RORA: variants seen among roughly 807,000 people sequenced by gnomAD.
RORA encodes RAR related orphan receptor A.
Under a neutral mutation model 69.5 loss-of-function variants are expected in RORA, and 7 were observed. The ratio of observed to expected loss-of-function variants is 0.10; its 90% CI spans 0.06 to 0.19. The LOEUF (loss-of-function observed/expected upper bound fraction) is 0.19, where lower values mean the gene tolerates loss of function less well. Ranked by LOEUF, RORA falls within the 10% of genes least tolerant of loss-of-function variation. The pLI is 1.00. For synonymous variants in RORA, 261 were observed against 240.8 expected, an observed-to-expected ratio of 1.08 and a Z score of -0.78; for missense variants, 457 against 663.0, an observed-to-expected ratio of 0.69 and a Z score of 3.41.
intron 1 of RORA, among the ~76,000 whole-genome samples, chr15:60,784,199 T>A (rs2072304050): frequency 6.6e-6 from 1 of 152,234 alleles, no homozygotes; most frequent in Non-Finnish European, 1.5e-5. Flanking sequence ...CAAAGTCCAC[T>A]TTTTAGGGGA....
At chr15:61,054,192 A>G (rs924052566) in intron 1 of RORA, among the ~76,000 whole-genome samples, 3 of 152,114 alleles carry the variant, frequency 2.0e-5, no homozygotes, top group Admixed American at 6.5e-5. Context: ...CAGCATCTTC[A>G]TACTTAATTG....
At chr15:61,043,382 C>G (rs1301662389) in intron 1 of RORA, among the ~76,000 whole-genome samples, 1 of 152,068 alleles carries the variant, frequency 6.6e-6, no homozygotes, top group Non-Finnish European at 1.5e-5. Flanking sequence ...CCTTTTGCCT[C>G]CTCCAGAAAA....
rs535114277 is a variant in RORA at position 60,642,738 on chromosome 15, C to T, written c.196+35919G>A. On this transcript the variant is annotated intron_variant, in intron 2 of 10. Transcript: ENST00000335670. ...TTTACAAAAAAAATTTAAAAATTAG[C>T]CAAGTGTGGTAGTGGCATGCCAGTA... is the stretch of plus-strand genomic sequence containing the variant. Among the ~76,000 whole-genome samples, 5 of 152,134 alleles carry T rather than the reference C, an allele frequency of 3.3e-5. No homozygotes were observed. In the South Asian group the frequency reaches 1.0e-3, roughly 32 times the overall value.
chr15:60,634,707 T>G (rs1230936981), intron 2 of RORA, among the ~76,000 whole-genome samples: 2 of 152,088 alleles, frequency 1.3e-5, no homozygotes, highest in African/African-American at 2.4e-5. Context: ...CTGGCCCACT[T>G]TTTTACCTTC....
intron 1 of RORA, among the ~76,000 whole-genome samples, chr15:61,088,701 T>C (rs930664843): frequency 1.3e-5 from 2 of 152,240 alleles, no homozygotes; most frequent in Non-Finnish European, 2.9e-5. Flanking sequence ...CAAAATGGGC[T>C]AGTAAACTAG....
At chr15:60,623,700 C>G (rs1023171934) in intron 2 of RORA, among the ~76,000 whole-genome samples, 1 of 152,146 alleles carries the variant, frequency 6.6e-6, no homozygotes, top group Non-Finnish European at 1.5e-5. Flanking sequence ...ACAAAGGATA[C>G]AGAGGGGGAT....
intron 1 of RORA, among the ~76,000 whole-genome samples, chr15:61,203,978 T>C (rs2079917366): frequency 1.3e-5 from 2 of 152,236 alleles, no homozygotes. Context: ...GGCTGCTTAG[T>C]GTCAAATGCA....
intron 1 of RORA, among the ~76,000 whole-genome samples, chr15:60,919,896 T>C (rs561254553): frequency 1.3e-5 from 2 of 152,278 alleles, no homozygotes; most frequent in African/African-American, 4.8e-5. Flanking sequence ...AACTAATCAA[T>C]AACAAATAAA....
chr15:60,811,392 T>C (rs2072740972), intron 1 of RORA, among the ~76,000 whole-genome samples: 1 of 152,244 alleles, frequency 6.6e-6, no homozygotes, highest in African/African-American at 2.4e-5. Context: ...AAGTCAGTTA[T>C]CTCTATTCCA....
intron 1 of RORA, among the ~76,000 whole-genome samples, chr15:61,171,223 G>A (rs1191217326): frequency 6.6e-6 from 1 of 152,108 alleles, no homozygotes; most frequent in Non-Finnish European, 1.5e-5. Context: ...CTTCTCCGGT[G>A]TCCTCCACAG....
At chr15:60,966,088 G>A (rs966332812) in intron 1 of RORA, among the ~76,000 whole-genome samples, 1 of 152,162 alleles carries the variant, frequency 6.6e-6, no homozygotes, top group Admixed American at 6.5e-5. Flanking sequence ...GGTGAGGGAA[G>A]GGTCTGTTCT....
intron 9 of RORA, 37 bp downstream of exon 9, chr15:60,500,922 T>C: frequency 2.4e-6 from 3 of 1,232,078 alleles, no homozygotes; most frequent in Non-Finnish European, 3.5e-6. Context: ...TCTTAGACAA[T>C]TCGAAAACCA....
At chr15:60,712,016 A>T (rs996591047) in intron 1 of RORA, among the ~76,000 whole-genome samples, 1 of 152,180 alleles carries the variant, frequency 6.6e-6, no homozygotes, top group African/African-American at 2.4e-5. Context: ...TAATACACAG[A>T]TTTTTTTAAA....
intron 2 of RORA, among the ~76,000 whole-genome samples, chr15:60,575,349 C>T (rs1008752574): frequency 2.0e-5 from 3 of 152,192 alleles, no homozygotes; most frequent in Admixed American, 6.5e-5. Context: ...TACGGAGTTA[C>T]AGCTTTGTAC....
At chr15:60,513,022 T>G (rs940445164) in intron 4 of RORA, among the ~76,000 whole-genome samples, 1 of 152,186 alleles carries the variant, frequency 6.6e-6, no homozygotes, top group Non-Finnish European at 1.5e-5. Context: ...ATGATCGTAG[T>G]TATAAGAGTC....
intron 1 of RORA, among the ~76,000 whole-genome samples, chr15:60,972,016 G>A (rs1011926204): frequency 4.6e-5 from 7 of 152,152 alleles, no homozygotes; most frequent in Non-Finnish European, 1.0e-4. Context: ...CATGCCTCCC[G>A]AATTCATGCT....
chr15:61,032,858 TC>T (rs757817628), intron 1 of RORA, among the ~76,000 whole-genome samples: 5 of 152,228 alleles, frequency 3.3e-5, no homozygotes, highest in Non-Finnish European at 7.3e-5. Flanking sequence ...AGGAATCCTT[TC>T]TTATTACCTA....
At chr15:60,516,206 TA>T (rs2065940681) in intron 3 of RORA, among the ~76,000 whole-genome samples, 1 of 33,252 alleles carries the variant, frequency 3.0e-5, no homozygotes, top group Non-Finnish European at 4.6e-5. Context: ...TTTATATATA[TA>T]TTTATATATA....
At chr15:60,950,096 GAAAC>G (rs1893037870) in intron 1 of RORA, among the ~76,000 whole-genome samples, 2 of 151,438 alleles carry the variant, frequency 1.3e-5, no homozygotes, top group Admixed American at 1.3e-4. Flanking sequence ...TCTCTCGGCA[GAAAC>G]CCTACAAGCC....
Sources: gnomAD v4.1 joint callset for allele counts (sites outside exome capture counted in the v4.1 genomes callset) on GRCh38, gnomAD v4.1.1 for gene constraint, MANE v1.5 for transcripts, NCBI Gene and HGNC (gene_info 2026-07-23, HGNC 2026-07-21) for gene names.